Variants in PTPRQ observed in about 807,000 individuals in gnomAD.
PTPRQ encodes protein tyrosine phosphatase receptor type Q.
PTPRQ carries 199 observed loss-of-function variants against 246.0 expected under a neutral mutation model. That is an observed-to-expected ratio of 0.81 (90% CI 0.72 to 0.91). The LOEUF (loss-of-function observed/expected upper bound fraction) is 0.91. Among genes scored for constraint, PTPRQ ranks in the 40% least tolerant of loss-of-function variants. PTPRQ has a pLI of 0.00. For missense variants in PTPRQ, 2,624 were observed against 2,528.4 expected (o/e 1.04, Z -0.81); for synonymous variants, 869 against 853.2 (o/e 1.02, Z -0.32).
At chr12:80,554,754 C>T (rs1725946701) in intron 25 of PTPRQ, among the ~76,000 whole-genome samples, 1 of 152,018 alleles carries the variant, frequency 6.6e-6, no homozygotes, top group Non-Finnish European at 1.5e-5. Flanking sequence ...TCATCATCAT[C>T]ATTTTAGAGA....
At chr12:80,601,184 A>G (rs1300599191) in intron 26 of PTPRQ, among the ~76,000 whole-genome samples, 3 of 151,676 alleles carry the variant, frequency 2.0e-5, no homozygotes, top group Non-Finnish European at 2.9e-5. Flanking sequence ...ACTTCCTAAC[A>G]TGGTATATAA....
At chr12:80,580,621 C>A (rs1252442656) in intron 25 of PTPRQ, among the ~76,000 whole-genome samples, 1 of 152,130 alleles carries the variant, frequency 6.6e-6, no homozygotes, top group Non-Finnish European at 1.5e-5. Flanking sequence ...TCTGAGGTAG[C>A]CTTGTTTAAA....
chr12:80,445,461 C>T, intron 2 of PTPRQ, 30 bp from the exon 3 acceptor site: 4 of 1,336,298 alleles, frequency 3.0e-6, no homozygotes, highest in East Asian at 2.5e-5. Flanking sequence ...ATTATTTGAC[C>T]TTTTAACAAA....
intron 25 of PTPRQ, among the ~76,000 whole-genome samples, chr12:80,576,163 G>A (rs536398502): frequency 4.0e-5 from 6 of 151,754 alleles, no homozygotes; most frequent in East Asian, 1.9e-4. Flanking sequence ...TTTTTGAGAC[G>A]GAGTCTTGCT....
intron 30 of PTPRQ, 147 bp from the exon 31 acceptor site, chr12:80,619,237 C>A: frequency 1.1e-6 from 1 of 906,424 alleles, no homozygotes. Flanking sequence ...TAAATGTCTG[C>A]TGTCTCCAAG....
chr12:80,603,095 G>T (rs555131833), intron 26 of PTPRQ, among the ~76,000 whole-genome samples: 1 of 151,768 alleles, frequency 6.6e-6, no homozygotes, highest in Non-Finnish European at 1.5e-5. Flanking sequence ...TAATATTAAT[G>T]CATGAGTTAG....
intron 35 of PTPRQ, among the ~76,000 whole-genome samples, chr12:80,644,550 G>A (rs1365004405): frequency 6.6e-6 from 1 of 151,732 alleles, no homozygotes; most frequent in African/African-American, 2.4e-5. Context: ...CACTTCATTC[G>A]AAACTAGCAC....
chr12:80,542,298 G>T lies in PTPRQ; in HGVS notation c.3655G>T (p.Ala1219Ser), dbSNP rs998800875. 1.3e-6 allele frequency: 2 copies of T among 1,549,502 alleles called. No homozygotes were observed. Among genetic ancestry groups the T allele is most frequent in the Non-Finnish European group, 8.7e-7 (1 of 1,146,280 alleles). ...ACCATTTACATTATATAGCTTTTTT[G>T]CTGCCGCAAGAACTAGAAAAGGACT... is the stretch of plus-strand genomic sequence containing the variant. ...LSPFTLYSFF[A>S]AARTRKGLGP... The change falls in exon 22 of 45, where the codon GCT becomes TCT. Residue 1219 changes from alanine (A) to serine (S), a missense_variant. By Grantham distance (99) the Ala-to-Ser change is moderately conservative (BLOSUM62 1). Transcript: ENST00000644991.
At chr12:80,616,800 G>A (rs553820995) in intron 30 of PTPRQ, among the ~76,000 whole-genome samples, 20 of 151,004 alleles carry the variant, frequency 1.3e-4, no homozygotes, top group Non-Finnish European at 2.4e-4. Flanking sequence ...TAAAATTTGG[G>A]TCATCCTTTC....
At chr12:80,631,865 A>G (rs569458036) in intron 33 of PTPRQ, among the ~76,000 whole-genome samples, 1 of 152,314 alleles carries the variant, frequency 6.6e-6, no homozygotes, top group East Asian at 1.9e-4. Context: ...ACTTCAAAAT[A>G]AAGACGTCTG....
rs533961531 is a variant in PTPRQ, at chr12:80,600,595, C to T, written c.4610-4464C>T. On this transcript the variant is annotated intron_variant, in intron 26 of 44. Coordinates refer to ENST00000644991, the MANE Select transcript of PTPRQ (RefSeq NM_001145026.2). ...ATGATGTCTGGGCAACGATAATGTG[C>T]CACTCTACTTGCTTGCTAGAATGAG... Among the ~76,000 whole-genome samples the T allele has an allele frequency of 5.9e-5, 9 of 151,816 alleles. No homozygotes were observed. The South Asian group carries it at 1.7e-3, about 28-fold the overall frequency.
intron 3 of PTPRQ, among the ~76,000 whole-genome samples, chr12:80,450,261 C>A (rs1383496059): frequency 1.3e-5 from 2 of 152,130 alleles, no homozygotes; most frequent in African/African-American, 4.8e-5. Flanking sequence ...TGCCTATCAG[C>A]TTAAGGAGAT....
Position 80,588,185 on chromosome 12 carries a change from T to A in PTPRQ, c.4342T>A (p.Leu1448Met). ...TGATGTTCAGTCAACTAGTGCAACA[T>A]TGACATGGATAAGACCTGACACTAT... Reference protein sequence around the residue: ...FSDVQSTSATLTWIRPDTILG... With the variant: ...FSDVQSTSATMTWIRPDTILG... Residue 1448 changes from leucine (L) to methionine (M), a missense_variant, in exon 26 of 45, where the codon TTG becomes ATG. Physicochemically the swap from Leu to Met is conservative, Grantham distance 15. Coordinates refer to ENST00000644991, the MANE Select transcript of PTPRQ (RefSeq NM_001145026.2). 6.5e-7 allele frequency: 1 copy of A among 1,550,286 alleles called. No individual in the cohort carries two copies. Among genetic ancestry groups the A allele is most frequent in the Non-Finnish European group, 8.7e-7 (1 of 1,146,178 alleles).
chr12:80,460,983 C>T, intron 6 of PTPRQ, 81 bp downstream of exon 6: 1 of 395,690 alleles, frequency 2.5e-6, no homozygotes, highest in Non-Finnish European at 4.5e-6. Context: ...TAATTTTAAT[C>T]TTCTTTACCT....
At chr12:80,607,177 C>A (rs772111089) in intron 27 of PTPRQ, among the ~76,000 whole-genome samples, 62 of 150,878 alleles carry the variant, frequency 4.1e-4, no homozygotes, top group Non-Finnish European at 6.8e-4. Flanking sequence ...AACATTATTA[C>A]CTTCATTTTG....
chr12:80,613,044 G>A (rs368329730), intron 28 of PTPRQ, among the ~76,000 whole-genome samples: 1 of 150,332 alleles, frequency 6.7e-6, no homozygotes, highest in Non-Finnish European at 1.5e-5. Flanking sequence ...TCTTGTTTAC[G>A]GTGGTGGTTA....
In PTPRQ at chr12:80,567,869, C is replaced by T. The variant is rs186101364; in HGVS notation, c.4285+18135C>T. Among the ~76,000 whole-genome samples the T allele has an allele frequency of 3.9e-5, 6 of 152,132 alleles. No individual in the cohort carries two copies. The East Asian group carries it at 7.7e-4, about 20-fold the overall frequency. ...GTATGAAATACATACCCAACAGCACCGAATGAGAGTTCTAATTACATTTCA... is the reference window on the plus strand; with the variant it reads ...GTATGAAATACATACCCAACAGCACTGAATGAGAGTTCTAATTACATTTCA... On this transcript the variant is annotated intron_variant, in intron 25 of 44. Coordinates refer to ENST00000644991, the MANE Select transcript of PTPRQ (RefSeq NM_001145026.2).
chr12:80,639,951 G>A (rs759862418), intron 35 of PTPRQ, among the ~76,000 whole-genome samples: 4 of 152,018 alleles, frequency 2.6e-5, no homozygotes, highest in Non-Finnish European at 4.4e-5. Flanking sequence ...TTATGTAAAT[G>A]TCTAAGGTCA....
intron 35 of PTPRQ, among the ~76,000 whole-genome samples, chr12:80,640,192 A>G (rs1026581227): frequency 3.3e-5 from 5 of 152,146 alleles, no homozygotes; most frequent in Non-Finnish European, 7.4e-5. Context: ...TCCTCTTTGG[A>G]TTTCTTTGTT....
Sources: gnomAD v4.1 joint callset for allele counts (sites outside exome capture counted in the v4.1 genomes callset) on GRCh38, gnomAD v4.1.1 for gene constraint, MANE v1.5 for transcripts, NCBI Gene and HGNC (gene_info 2026-07-23, HGNC 2026-07-21) for gene names.